The following BMAL2 variants were observed in gnomAD, a reference collection of about 807,000 sequenced individuals.
BMAL2 encodes the protein basic helix-loop-helix ARNT like 2, also known as basic helix-loop-helix ARNT-like protein 2.
chr12:27,399,719 T>C, the BMAL2 span, among the ~76,000 whole-genome samples: 1 of 152,206 alleles, frequency 6.6e-6, no homozygotes, highest in African/African-American at 2.4e-5. Context: ...CTAAATCTTA[T>C]CATAAAAACA....
At chr12:27,347,007 C>G in the BMAL2 span, among the ~76,000 whole-genome samples, 1 of 152,190 alleles carries the variant, frequency 6.6e-6, no homozygotes, top group Non-Finnish European at 1.5e-5. Flanking sequence ...CTCTGGCTCC[C>G]CTTTACCTTC....
the BMAL2 span, among the ~76,000 whole-genome samples, chr12:27,360,812 A>AAAAC: frequency 5.4e-5 from 8 of 148,838 alleles, no homozygotes; most frequent in East Asian, 1.6e-3. Flanking sequence ...CCAAAAAAAA[A>AAAAC]AAAAAAAAAA....
At chr12:27,352,025 C>G in the BMAL2 span, among the ~76,000 whole-genome samples, 1 of 152,134 alleles carries the variant, frequency 6.6e-6, no homozygotes, top group Non-Finnish European at 1.5e-5. Context: ...TCACTGCACC[C>G]TAATTTTTTA....
At chr12:27,414,236 AG>A in the BMAL2 span, among the ~76,000 whole-genome samples, 8 of 152,344 alleles carry the variant, frequency 5.3e-5, no homozygotes, top group African/African-American at 9.6e-5. Context: ...CAATATTAGT[AG>A]GGGACCTCAA....
At chr12:27,346,558 C>T in the BMAL2 span, among the ~76,000 whole-genome samples, 2 of 152,060 alleles carry the variant, frequency 1.3e-5, no homozygotes, top group African/African-American at 2.4e-5. Context: ...CCACCATGCC[C>T]GGCCTAAACC....
the BMAL2 span, among the ~76,000 whole-genome samples, chr12:27,407,938 A>G: frequency 5.3e-5 from 8 of 152,330 alleles, 1 homozygote; most frequent in African/African-American, 1.7e-4. Flanking sequence ...CAGAAATACA[A>G]ACTACCATCA....
the BMAL2 span, among the ~76,000 whole-genome samples, chr12:27,372,059 T>C: frequency 6.6e-6 from 1 of 152,130 alleles, no homozygotes; most frequent in South Asian, 2.1e-4. Context: ...TGAAACCCCA[T>C]CTCTACTAAA....
the BMAL2 span, among the ~76,000 whole-genome samples, chr12:27,398,788 C>G: frequency 6.6e-6 from 1 of 152,150 alleles, no homozygotes; most frequent in Non-Finnish European, 1.5e-5. Context: ...TTTCTTAAGT[C>G]TATATTTTCA....
chr12:27,368,425 G>T, the BMAL2 span: 1 of 1,613,782 alleles, frequency 6.2e-7, no homozygotes, highest in East Asian at 2.2e-5. Flanking sequence ...AAGTGAATTT[G>T]GTCCTCTAAC....
the BMAL2 span, chr12:27,400,582 G>A: frequency 4.3e-6 from 7 of 1,613,576 alleles, no homozygotes; most frequent in Non-Finnish European, 5.9e-6. Flanking sequence ...TTGAGAAGCT[G>A]GCCTCCAAAT....
chr12:27,409,864 C>T, the BMAL2 span, among the ~76,000 whole-genome samples: 146 of 152,230 alleles, frequency 9.6e-4, no homozygotes, highest in African/African-American at 3.4e-3. Context: ...GGGCTAATAT[C>T]CAGAATCTAC....
chr12:27,381,619 G>T, the BMAL2 span, among the ~76,000 whole-genome samples: 1 of 152,070 alleles, frequency 6.6e-6, no homozygotes, highest in Non-Finnish European at 1.5e-5. Context: ...CCAGCACTGG[G>T]GATTATTATT....
the BMAL2 span, among the ~76,000 whole-genome samples, chr12:27,406,034 G>A: frequency 1.3e-5 from 2 of 152,082 alleles, no homozygotes; most frequent in Non-Finnish European, 2.9e-5. Flanking sequence ...GAGAAGAGAC[G>A]TTTAGAGAAA....
chr12:27,404,687 C>T, the BMAL2 span, among the ~76,000 whole-genome samples: 13 of 152,296 alleles, frequency 8.5e-5, no homozygotes, highest in African/African-American at 1.2e-4. Flanking sequence ...ACACAGAAGA[C>T]GGGTGCTTTC....
At chr12:27,381,190 T>C in the BMAL2 span, among the ~76,000 whole-genome samples, 1,247 of 152,284 alleles carry the variant, frequency 8.2e-3, 16 homozygotes, top group African/African-American at 0.028. Context: ...CCACTGCCTC[T>C]TGGTGTGTGG....
chr12:27,418,419 G>C, the BMAL2 span, among the ~76,000 whole-genome samples: 1 of 150,394 alleles, frequency 6.6e-6, no homozygotes, highest in African/African-American at 2.5e-5. Flanking sequence ...GGCACACATA[G>C]CAATAACCCA....
the BMAL2 span, among the ~76,000 whole-genome samples, chr12:27,384,661 A>C: frequency 2.6e-5 from 4 of 152,234 alleles, no homozygotes; most frequent in East Asian, 5.8e-4. Context: ...TCCTATGCAC[A>C]TATACCTATG....
chr12:27,387,172 G>A, the BMAL2 span: 8 of 1,115,464 alleles, frequency 7.2e-6, no homozygotes, highest in African/African-American at 3.1e-5. Flanking sequence ...GTGTGTGTGC[G>A]TGTGTATAAG....
chr12:27,338,649 C>A, the BMAL2 span, among the ~76,000 whole-genome samples: 1 of 152,218 alleles, frequency 6.6e-6, no homozygotes, highest in African/African-American at 2.4e-5. Context: ...TGGGCTTCCC[C>A]TCCAAGGTCT....
Sources: allele counts gnomAD v4.1 joint callset (sites outside exome capture counted in the v4.1 genomes callset), GRCh38; gene constraint gnomAD v4.1.1; transcripts MANE v1.5; gene names NCBI Gene and HGNC (gene_info 2026-07-23, HGNC 2026-07-21).